The following FSD1L variants were observed in gnomAD, a reference collection of about 807,000 sequenced individuals.
FSD1L encodes fibronectin type III and SPRY domain containing 1 like.
Under a neutral mutation model 71.6 loss-of-function variants are expected in FSD1L, and 45 were observed. The observed-to-expected ratio is 0.63, with a 90% CI of 0.49 to 0.81. FSD1L has a LOEUF of 0.81. FSD1L is among the 30% of genes least tolerant of loss of function. FSD1L has a pLI of 0.00. For synonymous variants in FSD1L, 197 were observed against 207.2 expected, an observed-to-expected ratio of 0.95 and a Z score of 0.42; for missense variants, 561 against 618.1, an observed-to-expected ratio of 0.91 and a Z score of 0.98.
chr9:105,526,467 G>A (rs1156529715), intron 10 of FSD1L: 9 of 1,612,424 alleles, frequency 5.6e-6, no homozygotes, highest in African/African-American at 5.3e-5. Flanking sequence ...ATGTCTCCTC[G>A]AACTAGCAAA....
chr9:105,477,573 G>T (rs1401696344), intron 5 of FSD1L, among the ~76,000 whole-genome samples: 2 of 152,174 alleles, frequency 1.3e-5, no homozygotes, highest in African/African-American at 2.4e-5. Context: ...CATTTTCCTA[G>T]GAGAAATAAG....
rs182050715 is a variant in FSD1L, at chr9:105,494,957, G to A, written c.586+10455G>A. ...AGGCTGCTCGGGGGTCAGGGGTCAC[G>A]GACCCACTTGAGGAGGCTGTCTGCC... is the stretch of plus-strand genomic sequence containing the variant. On this transcript the variant is annotated intron_variant, in intron 7 of 13. Coordinates refer to ENST00000481272, the MANE Select transcript of FSD1L (RefSeq NM_001145313.3). Among the ~76,000 whole-genome samples, 532 of 152,310 alleles carry A rather than the reference G, an allele frequency of 3.5e-3. 4 individuals are homozygous for A. Among genetic ancestry groups the A allele is most frequent in the Non-Finnish European group, 5.0e-3 (340 of 68,026 alleles).
chr9:105,455,413 C>T (rs1042532477), intron 1 of FSD1L, among the ~76,000 whole-genome samples: 1 of 152,190 alleles, frequency 6.6e-6, no homozygotes, highest in African/African-American at 2.4e-5. Context: ...CATGAAGTCA[C>T]CTAATTCAAA....
In FSD1L at chr9:105,549,228, A is replaced by G. The variant is rs186365641; in HGVS notation, c.*2745A>G. 9.2e-5 allele frequency: 14 copies of G among 152,228 alleles called. No homozygotes were observed. In the East Asian group the frequency reaches 2.7e-3, roughly 29 times the overall value. The allele number at this position is 152,228 out of a possible 1,614,324, so 9.4% of individuals were successfully genotyped here. A position where few individuals can be genotyped will look rare whatever the true frequency, so the allele number is the denominator to read the frequency against. On this transcript the variant is annotated 3_prime_UTR_variant, in exon 14 of 14. Transcript: ENST00000481272. ...TATAAAACAGTTGTTTTCTAAAAAC[A>G]TGCATTTAGTATGGCATTCTCTTTT...
intron 7 of FSD1L, among the ~76,000 whole-genome samples, chr9:105,491,551 G>C (rs1229196180): frequency 1.3e-5 from 2 of 152,148 alleles, no homozygotes; most frequent in Non-Finnish European, 2.9e-5. Flanking sequence ...TAGGAGTGGT[G>C]AGAGAGGGCA....
At chr9:105,468,526 A>G (rs1335342995) in intron 4 of FSD1L, among the ~76,000 whole-genome samples, 1 of 148,606 alleles carries the variant, frequency 6.7e-6, no homozygotes, top group East Asian at 1.9e-4. Flanking sequence ...TTTTTTTGAG[A>G]CGGAGTCTCA....
At chr9:105,478,530 G>A (rs554846864) in intron 5 of FSD1L, among the ~76,000 whole-genome samples, 4 of 152,080 alleles carry the variant, frequency 2.6e-5, no homozygotes, top group Non-Finnish European at 5.9e-5. Context: ...TGGTTACTGT[G>A]GAGAAAAAAA....
chr9:105,489,319 A>C (rs1358282409), intron 7 of FSD1L, among the ~76,000 whole-genome samples: 1 of 152,136 alleles, frequency 6.6e-6, no homozygotes, highest in Non-Finnish European at 1.5e-5. Context: ...AAAAATTTCT[A>C]ATCACTGTTT....
At chr9:105,468,374 C>A in intron 4 of FSD1L, 50 bp downstream of exon 4, 1 of 1,384,338 alleles carries the variant, frequency 7.2e-7, no homozygotes, top group Non-Finnish European at 9.5e-7. Flanking sequence ...CTATTTAATC[C>A]TTGATTTATG....
At chr9:105,522,072 A>ACTGT (rs1341891337) in intron 10 of FSD1L, 1 of 1,611,154 alleles carries the variant, frequency 6.2e-7, no homozygotes, top group African/African-American at 1.3e-5. Context: ...GTTCCAAGGG[A>ACTGT]AAAAAAATAT....
intron 8 of FSD1L, among the ~76,000 whole-genome samples, chr9:105,508,289 T>C (rs1834188254): frequency 6.6e-6 from 1 of 151,122 alleles, no homozygotes; most frequent in Admixed American, 6.6e-5. Flanking sequence ...TCCATTCTCC[T>C]GCCTCAGCCT....
At chr9:105,496,982 T>C (rs1564114425) in intron 7 of FSD1L, among the ~76,000 whole-genome samples, 1 of 152,244 alleles carries the variant, frequency 6.6e-6, no homozygotes, top group Non-Finnish European at 1.5e-5. Flanking sequence ...CCATTAAGTA[T>C]GGTGTTAGCT....
intron 5 of FSD1L, among the ~76,000 whole-genome samples, chr9:105,479,148 G>A (rs1381395985): frequency 6.6e-6 from 1 of 152,008 alleles, no homozygotes; most frequent in Non-Finnish European, 1.5e-5. Flanking sequence ...ATTTTTGTGG[G>A]GTCTGGATTT....
At chr9:105,524,883 A>G (rs1202620192) in intron 10 of FSD1L, 1 of 1,589,660 alleles carries the variant, frequency 6.3e-7, no homozygotes, top group Non-Finnish European at 8.6e-7. Flanking sequence ...TTACAGTGAA[A>G]GTACTGAACT....
At chr9:105,541,976 A>T (rs1836650578) in intron 13 of FSD1L, among the ~76,000 whole-genome samples, 1 of 152,190 alleles carries the variant, frequency 6.6e-6, no homozygotes, top group Non-Finnish European at 1.5e-5. Flanking sequence ...ATTGCTGAGT[A>T]GTGTTTCATA....
At chr9:105,491,019 G>T (rs559722689) in intron 7 of FSD1L, among the ~76,000 whole-genome samples, 41 of 151,912 alleles carry the variant, frequency 2.7e-4, no homozygotes, top group Non-Finnish European at 5.4e-4. Flanking sequence ...GAACTTTAAA[G>T]TAGTTTTTTC....
chr9:105,544,864 G>A (rs2131539008), intron 13 of FSD1L, among the ~76,000 whole-genome samples: 1 of 152,258 alleles, frequency 6.6e-6, no homozygotes, highest in Middle Eastern at 3.4e-3. Context: ...GTAGCGTGAT[G>A]CCTCCAGCTT....
chr9:105,484,414 G>T lies in FSD1L; in HGVS notation c.498G>T (p.Leu166Phe), dbSNP rs1385742976. The change falls in exon 7 of 14, where the codon TTG becomes TTT. Residue 166 changes from leucine to phenylalanine, a missense_variant. Around this residue, in one of 3 missense-constraint regions of FSD1L, gnomAD observed 410 missense variants for 413.5 expected, o/e 0.99. Coordinates refer to ENST00000481272, the MANE Select transcript of FSD1L (RefSeq NM_001145313.3). ...TGGCTTCAGCCTTTCGCCTTTCTTT[G>T]AAACCAAAGGTCAGTGACAACATGA... Reference protein sequence around the residue: ...VTMASAFRLSLKPKVSDNMTH... With the variant: ...VTMASAFRLSFKPKVSDNMTH... The T allele has an allele frequency of 6.6e-7, 1 of 1,525,698 alleles. No individual in the cohort carries two copies. Among genetic ancestry groups the T allele is most frequent in the Admixed American group, 2.2e-5 (1 of 45,770 alleles). The allele number at this position is 1,525,698 out of a possible 1,614,324, so 94.5% of individuals were successfully genotyped here. A position where few individuals can be genotyped will look rare whatever the true frequency, so the allele number is the denominator to read the frequency against.
At chr9:105,523,322 G>T in intron 10 of FSD1L, 1 of 1,589,150 alleles carries the variant, frequency 6.3e-7, no homozygotes, top group East Asian at 2.2e-5. Flanking sequence ...TCGATGAGAA[G>T]CTCCACCACG....
Sources: allele counts gnomAD v4.1 joint callset (sites outside exome capture counted in the v4.1 genomes callset), GRCh38; gene constraint gnomAD v4.1.1; regional missense constraint gnomAD v4.1.1; transcripts MANE v1.5; gene names NCBI Gene and HGNC (gene_info 2026-07-23, HGNC 2026-07-21).